Variants in TMEM132D observed in about 807,000 individuals in gnomAD.
TMEM132D encodes mature OL transmembrane protein.
A neutral mutation model predicts 62.3 loss-of-function variants in TMEM132D; 21 were observed. The observed-to-expected ratio is 0.34, with a 90% CI of 0.24 to 0.49. TMEM132D has a LOEUF of 0.49. TMEM132D is among the 20% of genes least tolerant of loss of function. TMEM132D has a pLI of 0.99. For missense variants in TMEM132D, 1,346 were observed against 1,402.8 expected, an observed-to-expected ratio of 0.96 and a Z score of 0.65; for synonymous variants, 621 against 575.6, an observed-to-expected ratio of 1.08 and a Z score of -1.13.
chr12:129,714,173 G>A (rs1366729065), intron 1 of TMEM132D, among the ~76,000 whole-genome samples: 4 of 152,080 alleles, frequency 2.6e-5, no homozygotes, highest in Admixed American at 6.5e-5. Context: ...CCATCCCCAG[G>A]CCCCTTGCAG....
intron 1 of TMEM132D, among the ~76,000 whole-genome samples, chr12:129,757,427 A>G (rs1321621518): frequency 1.3e-5 from 2 of 152,126 alleles, no homozygotes; most frequent in African/African-American, 4.8e-5. Context: ...TACCATCTAT[A>G]TGCCAATTAC....
chr12:129,489,977 T>C (rs1168415550), intron 3 of TMEM132D, among the ~76,000 whole-genome samples: 2 of 152,186 alleles, frequency 1.3e-5, no homozygotes, highest in Non-Finnish European at 2.9e-5. Flanking sequence ...ACAGGGACCC[T>C]TGGGGACACA....
In TMEM132D at chr12:129,616,932, A is replaced by AT. The variant is rs1382609622; in HGVS notation, c.968+82877dup. On this transcript the variant is annotated intron_variant, in intron 2 of 8. Coordinates refer to ENST00000422113, the MANE Select transcript of TMEM132D (RefSeq NM_133448.3). ...TAGACAAGGAGATGAAGAACACTGG[A>AT]TTTTGTCGCTGTTGTATATTTGTTT... Among the ~76,000 whole-genome samples the AT allele has an allele frequency of 3.3e-5, 5 of 152,076 alleles. No individual in the cohort carries two copies. The South Asian group carries it at 1.0e-3, about 32-fold the overall frequency.
intron 3 of TMEM132D, among the ~76,000 whole-genome samples, chr12:129,413,865 T>A (rs1251633709): frequency 6.6e-6 from 1 of 152,218 alleles, no homozygotes; most frequent in South Asian, 2.1e-4. Flanking sequence ...TGAAAAGTCA[T>A]ACAAAATATT....
chr12:129,479,354 A>G (rs1448248627), intron 3 of TMEM132D, among the ~76,000 whole-genome samples: 2 of 152,126 alleles, frequency 1.3e-5, no homozygotes, highest in Non-Finnish European at 2.9e-5. Context: ...TTTCCAGAAG[A>G]CAGAGAATCT....
chr12:129,411,762 C>T (rs1871973947), intron 3 of TMEM132D, among the ~76,000 whole-genome samples: 1 of 152,188 alleles, frequency 6.6e-6, no homozygotes, highest in South Asian at 2.1e-4. Context: ...TCTTGTCTCC[C>T]CTCATTCTGT....
chr12:129,500,322 C>T (rs1043979909), intron 3 of TMEM132D, among the ~76,000 whole-genome samples: 1 of 151,870 alleles, frequency 6.6e-6, no homozygotes, highest in Non-Finnish European at 1.5e-5. Context: ...ATCTGTCCCC[C>T]ATCAGTCAGT....
intron 1 of TMEM132D, among the ~76,000 whole-genome samples, chr12:129,870,275 G>A (rs2137376378): frequency 1.3e-5 from 2 of 152,234 alleles, no homozygotes; most frequent in Admixed American, 1.3e-4. Flanking sequence ...GAGCCACCAT[G>A]CCAGCCACGC....
intron 2 of TMEM132D, among the ~76,000 whole-genome samples, chr12:129,676,922 C>T (rs1880645928): frequency 6.6e-6 from 1 of 152,206 alleles, no homozygotes; most frequent in Non-Finnish European, 1.5e-5. Context: ...CCTATCCATT[C>T]AACTATCCTA....
intron 1 of TMEM132D, among the ~76,000 whole-genome samples, chr12:129,819,621 C>T (rs1425034615): frequency 2.0e-5 from 3 of 152,124 alleles, no homozygotes; most frequent in African/African-American, 7.2e-5. Context: ...TCATTTCCTC[C>T]TCTTATGAAA....
chr12:129,239,177 ATTTG>A (rs529475788), intron 4 of TMEM132D, among the ~76,000 whole-genome samples: 38 of 152,084 alleles, frequency 2.5e-4, no homozygotes, highest in Non-Finnish European at 4.0e-4. Flanking sequence ...TCATTTTTAA[ATTTG>A]TTTATCTTTT....
At chr12:129,076,841 C>A (rs1736481522) in intron 8 of TMEM132D, among the ~76,000 whole-genome samples, 1 of 152,240 alleles carries the variant, frequency 6.6e-6, no homozygotes, top group Non-Finnish European at 1.5e-5. Context: ...CTTCTAGCTG[C>A]ATCTTATCCC....
At chr12:129,574,447 A>G (rs1357585828) in intron 2 of TMEM132D, among the ~76,000 whole-genome samples, 1 of 151,982 alleles carries the variant, frequency 6.6e-6, no homozygotes, top group Non-Finnish European at 1.5e-5. Flanking sequence ...TAGAGAGCAA[A>G]GGCATCCTAT....
intron 2 of TMEM132D, among the ~76,000 whole-genome samples, chr12:129,661,104 C>T (rs994709474): frequency 2.6e-5 from 4 of 152,220 alleles, no homozygotes; most frequent in Admixed American, 6.5e-5. Context: ...CTAGGAGATT[C>T]GGTCTGCAGC....
At chr12:129,390,850 C>A (rs910596799) in intron 3 of TMEM132D, among the ~76,000 whole-genome samples, 1 of 152,206 alleles carries the variant, frequency 6.6e-6, no homozygotes, top group African/African-American at 2.4e-5. Flanking sequence ...CTCACCCTGG[C>A]TCTATACTAT....
Position 129,209,408 on chromosome 12 carries a change from G to A in TMEM132D, c.1443+112C>T, listed in dbSNP as rs1249681374. The A allele has an allele frequency of 4.5e-6, 6 of 1,319,456 alleles. No homozygotes were observed. The Admixed American group carries it at 1.1e-4, about 24-fold the overall frequency. 81.7% of individuals were successfully genotyped at this position (1,319,456 alleles called of 1,614,324 possible). ...AGGATAACCAGAATGGGATGGGAGG[G>A]ATCCTGTGGGACCCAGAGGTCCCAG... On this transcript the variant is annotated intron_variant, in intron 5 of 8. Transcript: ENST00000422113.
At chr12:129,473,960 G>A (rs930715790) in intron 3 of TMEM132D, among the ~76,000 whole-genome samples, 28 of 152,166 alleles carry the variant, frequency 1.8e-4, no homozygotes, top group Admixed American at 1.3e-3. Context: ...AACAAACCAG[G>A]CATCTATGAA....
At chr12:129,513,962 C>G (rs1033829926) in intron 3 of TMEM132D, among the ~76,000 whole-genome samples, 2 of 151,366 alleles carry the variant, frequency 1.3e-5, no homozygotes, top group African/African-American at 4.9e-5. Context: ...CTCAGCCTCC[C>G]GAGTAGCTGG....
At chr12:129,487,114 A>G (rs982153530) in intron 3 of TMEM132D, among the ~76,000 whole-genome samples, 1 of 151,824 alleles carries the variant, frequency 6.6e-6, no homozygotes, top group Non-Finnish European at 1.5e-5. Context: ...CTGAACCTTG[A>G]TGATAAGGAG....
Sources: allele counts gnomAD v4.1 joint callset (sites outside exome capture counted in the v4.1 genomes callset), GRCh38; gene constraint gnomAD v4.1.1; transcripts MANE v1.5; gene names NCBI Gene and HGNC (gene_info 2026-07-23, HGNC 2026-07-21).